Variants in GLB1 observed in about 807,000 individuals in gnomAD.
GLB1 encodes beta-galactosidase.
In GLB1, 56 loss-of-function variants were observed where a neutral mutation model predicts 74.0. The observed-to-expected ratio is 0.76, with a 90% confidence interval of 0.61 to 0.94. The LOEUF (loss-of-function observed/expected upper bound fraction) is 0.94. Ranked by LOEUF, GLB1 falls within the 40% of genes least tolerant of loss-of-function variation. The pLI is 0.00. For synonymous variants in GLB1, 323 were observed against 323.6 expected (o/e 1.00, Z 0.02); for missense variants, 787 against 845.5 (o/e 0.93, Z 0.86).
At chr3:33,043,573 G>GAATAGAAATTATAAAATAAGAT (rs1698590393) in intron 10 of GLB1, among the ~76,000 whole-genome samples, 3 of 151,848 alleles carry the variant, frequency 2.0e-5, no homozygotes, top group African/African-American at 7.3e-5. Flanking sequence ...AAAGGTAAAC[G>GAATAGAAATTATAAAATAAGAT]AATAGAAATT....
downstream of GLB1, among the ~76,000 whole-genome samples, chr3:32,994,739 G>A (rs369841275): frequency 1.1e-4 from 16 of 151,964 alleles, no homozygotes; most frequent in East Asian, 5.8e-4. Flanking sequence ...TGACCAACAC[G>A]GCAAAACCCC....
At chr3:33,090,510 T>C (rs376121468) in intron 1 of GLB1, 173 of 985,252 alleles carry the variant, frequency 1.8e-4, no homozygotes, top group Non-Finnish European at 2.0e-4. Context: ...TCAAAAAGCA[T>C]TGCATTTCAA....
At chr3:33,075,920 C>G (rs1700085394) in intron 1 of GLB1, among the ~76,000 whole-genome samples, 1 of 151,886 alleles carries the variant, frequency 6.6e-6, no homozygotes, top group African/African-American at 2.4e-5. Context: ...TGGTAGGTGC[C>G]TGTAGTCCCA....
At chr3:33,023,511 G>A (rs1007023433) in intron 11 of GLB1, among the ~76,000 whole-genome samples, 6 of 151,480 alleles carry the variant, frequency 4.0e-5, no homozygotes, top group African/African-American at 7.3e-5. Context: ...AAAAACTTAC[G>A]ATACTATTTT....
chr3:32,970,132 T>C, the GLB1 span, among the ~76,000 whole-genome samples: 1 of 152,272 alleles, frequency 6.6e-6, no homozygotes, highest in South Asian at 2.1e-4. Context: ...TGAACCAACA[T>C]TTGTGGCTGA....
intron 15 of GLB1, among the ~76,000 whole-genome samples, chr3:33,008,846 G>A (rs1041574888): frequency 4.6e-5 from 7 of 152,202 alleles, no homozygotes; most frequent in East Asian, 1.9e-4. Flanking sequence ...GTGGCCGGGC[G>A]CAGTGGTTCA....
intron 1 of GLB1, chr3:33,096,431 G>A (rs1227127193): frequency 1.0e-6 from 1 of 983,770 alleles, no homozygotes; most frequent in East Asian, 1.2e-4. Context: ...AAACGCCGAA[G>A]GAAAACGGTC....
chr3:33,066,025 A>G (rs911717031), intron 4 of GLB1, among the ~76,000 whole-genome samples: 4 of 151,638 alleles, frequency 2.6e-5, no homozygotes, highest in African/African-American at 7.3e-5. Flanking sequence ...GTGCAGCCTT[A>G]TTACACCAGG....
intron 13 of GLB1, 122 bp downstream of exon 13, chr3:33,018,326 A>AAAAAAAAAAAAT: frequency 2.5e-6 from 1 of 397,144 alleles, no homozygotes; most frequent in Non-Finnish European, 4.6e-6. Flanking sequence ...AAAAAAAAAG[A>AAAAAAAAAAAAT]TGATGGGTAG....
the GLB1 span, among the ~76,000 whole-genome samples, chr3:32,966,458 C>T: frequency 6.6e-6 from 1 of 152,136 alleles, no homozygotes. Flanking sequence ...TGCCTGTAAC[C>T]CCATTGTATC....
intron 15 of GLB1, among the ~76,000 whole-genome samples, chr3:33,004,684 A>G (rs1340034143): frequency 6.6e-6 from 1 of 152,184 alleles, no homozygotes; most frequent in Non-Finnish European, 1.5e-5. Flanking sequence ...AAGCTCTCAG[A>G]TGTGGCTGGT....
At chr3:33,077,683 CTTT>C (rs34139339) in intron 1 of GLB1, among the ~76,000 whole-genome samples, 4 of 147,162 alleles carry the variant, frequency 2.7e-5, no homozygotes, top group African/African-American at 7.5e-5. Flanking sequence ...AAGTATATTA[CTTT>C]TTTTTTTTTA....
rs1398424263 is a variant in GLB1, at chr3:33,016,828, C to A, written c.1360G>T (p.Val454Phe). The A allele has an allele frequency of 2.5e-6, 4 of 1,614,056 alleles. No homozygotes were observed. The highest frequency in any genetic ancestry group is 3.4e-6 in the Non-Finnish European group (4 of 1,179,948). ...YVAVDGIPQGVLERNNVITLN... is the reference protein window; with the variant it reads ...YVAVDGIPQGFLERNNVITLN... ...GTGATCACATTGTTTCGCTCAAGGACTCCCTGGGGGATCTGTGGGGTTCAA... is the reference window on the plus strand; with the variant it reads ...GTGATCACATTGTTTCGCTCAAGGAATCCCTGGGGGATCTGTGGGGTTCAA... The change falls in exon 14 of 16, where the codon GTC becomes TTC. Residue 454 changes from valine to phenylalanine, a missense_variant. Transcript: ENST00000307363.
chr3:32,991,099 C>T, the GLB1 span, among the ~76,000 whole-genome samples: 1 of 152,228 alleles, frequency 6.6e-6, no homozygotes, highest in Admixed American at 6.5e-5. Flanking sequence ...AAACAGAAAC[C>T]ACATTGAGCT....
intron 11 of GLB1, among the ~76,000 whole-genome samples, chr3:33,021,950 C>T (rs1386291748): frequency 2.6e-5 from 4 of 152,240 alleles, no homozygotes; most frequent in East Asian, 1.9e-4. Context: ...TGAATGAAAA[C>T]GAAGGCTCAG....
chr3:33,043,704 A>G (rs1481471281), intron 10 of GLB1, among the ~76,000 whole-genome samples: 2 of 116,406 alleles, frequency 1.7e-5, no homozygotes, highest in African/African-American at 3.0e-5. Context: ...ATTCGATTAT[A>G]TCCTGTTTAT....
chr3:33,049,006 C>T (rs563271808), intron 9 of GLB1, among the ~76,000 whole-genome samples: 1 of 149,370 alleles, frequency 6.7e-6, no homozygotes, highest in African/African-American at 2.5e-5. Context: ...TTAAGGACAA[C>T]ATTTATGTTC....
the GLB1 span, among the ~76,000 whole-genome samples, chr3:32,981,161 T>C: frequency 6.8e-6 from 1 of 146,070 alleles, no homozygotes; most frequent in Non-Finnish European, 1.5e-5. Flanking sequence ...ATCCAACACT[T>C]TGGGAGGCAG....
chr3:33,079,162 A>G (rs1000032916), intron 1 of GLB1, among the ~76,000 whole-genome samples: 2 of 152,228 alleles, frequency 1.3e-5, no homozygotes, highest in Non-Finnish European at 2.9e-5. Flanking sequence ...AAAAATCAGA[A>G]TAGTTAACTC....
Sources: allele counts gnomAD v4.1 joint callset (sites outside exome capture counted in the v4.1 genomes callset), GRCh38; gene constraint gnomAD v4.1.1; transcripts MANE v1.5; gene names NCBI Gene and HGNC (gene_info 2026-07-23, HGNC 2026-07-21).